Variants in PRKCA observed in about 807,000 individuals in gnomAD.
The protein encoded by PRKCA is protein kinase C alpha.
A neutral mutation model predicts 87.0 loss-of-function variants in PRKCA; 27 were observed. The ratio of observed to expected loss-of-function variants is 0.31; its 90% CI spans 0.23 to 0.43. The LOEUF is 0.43. Among genes scored for constraint, PRKCA ranks in the 20% least tolerant of loss-of-function variants. PRKCA has a pLI of 1.00. For missense variants in PRKCA, 518 were observed against 852.3 expected (o/e 0.61, Z 4.88); for synonymous variants, 329 against 311.1 (o/e 1.06, Z -0.61).
chr17:66,367,623 G>T (rs1210115951), intron 2 of PRKCA, among the ~76,000 whole-genome samples: 1 of 152,120 alleles, frequency 6.6e-6, no homozygotes, highest in African/African-American at 2.4e-5. Flanking sequence ...GTCTCATCAG[G>T]TCTATTTTTC....
At chr17:66,790,453 G>C (rs1975504340) in intron 16 of PRKCA, among the ~76,000 whole-genome samples, 2 of 152,188 alleles carry the variant, frequency 1.3e-5, no homozygotes, top group African/African-American at 4.8e-5. Flanking sequence ...ACAAAACCCG[G>C]TCTGGAGGTT....
intron 2 of PRKCA, among the ~76,000 whole-genome samples, chr17:66,345,889 G>A (rs976220738): frequency 1.3e-5 from 2 of 152,110 alleles, no homozygotes; most frequent in African/African-American, 4.8e-5. Flanking sequence ...CCTAGACCAA[G>A]CACAGTGCCT....
chr17:66,322,034 T>G (rs1905699748), intron 2 of PRKCA, among the ~76,000 whole-genome samples: 1 of 152,202 alleles, frequency 6.6e-6, no homozygotes, highest in African/African-American at 2.4e-5. Context: ...CTTTTTAAAC[T>G]TTTAGTTGCT....
chr17:66,540,998 A>T (rs1248164165), intron 3 of PRKCA, among the ~76,000 whole-genome samples: 2 of 152,210 alleles, frequency 1.3e-5, no homozygotes, highest in East Asian at 3.9e-4. Flanking sequence ...AGAACCCTAC[A>T]GAGGTAGGAA....
At chr17:66,537,258 A>T (rs1967821950) in intron 3 of PRKCA, among the ~76,000 whole-genome samples, 1 of 152,182 alleles carries the variant, frequency 6.6e-6, no homozygotes. Flanking sequence ...TATTACCATA[A>T]TTTATGGTGA....
intron 2 of PRKCA, among the ~76,000 whole-genome samples, chr17:66,370,079 A>G (rs1484088693): frequency 2.0e-5 from 3 of 152,208 alleles, no homozygotes; most frequent in African/African-American, 7.2e-5. Flanking sequence ...TTGTCTGGGC[A>G]GACTCAAACA....
At chr17:66,333,154 C>T (rs71379965) in intron 2 of PRKCA, among the ~76,000 whole-genome samples, 24,139 of 152,150 alleles carry the variant, frequency 0.16, 2,040 homozygotes, top group South Asian at 0.24. Context: ...AAATAGCTTT[C>T]CCAGAGAAAC....
At chr17:66,452,123 A>G (rs1007832579) in intron 2 of PRKCA, among the ~76,000 whole-genome samples, 1 of 152,172 alleles carries the variant, frequency 6.6e-6, no homozygotes. Flanking sequence ...CAGCGAACCA[A>G]GACATCAGGT....
intron 9 of PRKCA, among the ~76,000 whole-genome samples, chr17:66,733,362 G>C (rs1046217242): frequency 6.6e-6 from 1 of 152,172 alleles, no homozygotes; most frequent in Admixed American, 6.5e-5. Context: ...TTACACAGTA[G>C]AGTCATCCAT....
At chr17:66,670,808 G>A (rs1972159042) in intron 5 of PRKCA, among the ~76,000 whole-genome samples, 1 of 152,064 alleles carries the variant, frequency 6.6e-6, no homozygotes. Flanking sequence ...GCTGTAGTGA[G>A]CCATGATCAC....
At chr17:66,499,148 A>AT (rs34998543) in intron 3 of PRKCA, among the ~76,000 whole-genome samples, 53,696 of 150,916 alleles carry the variant, frequency 0.36, 10,381 homozygotes, top group Middle Eastern at 0.49. Flanking sequence ...GATTCCTATG[A>AT]TTTTTTTTTA....
intron 3 of PRKCA, among the ~76,000 whole-genome samples, chr17:66,556,891 G>A (rs1291884841): frequency 2.6e-5 from 4 of 152,160 alleles, no homozygotes; most frequent in African/African-American, 7.2e-5. Context: ...ATAACAGCAT[G>A]AGAATGGACT....
At position 66,791,510 on chromosome 17, in the gene PRKCA, G is replaced by A. The variant is rs112244126; in HGVS notation, c.1854+2531G>A. Among the ~76,000 whole-genome samples, 191 of 152,362 alleles carry A rather than the reference G, an allele frequency of 1.3e-3. 1 individual carries two copies. Among genetic ancestry groups the A allele is most frequent in the African/African-American group, 4.2e-3 (173 of 41,584 alleles). ...GACGCTGTGTTCAAAAGCGGAGAGC[G>A]TCAAGGGCAGAGAGATAAATGGGGC... On this transcript the variant is annotated intron_variant, in intron 16 of 16. Transcript: ENST00000413366.
intron 2 of PRKCA, among the ~76,000 whole-genome samples, chr17:66,381,984 G>C (rs776434385): frequency 3.3e-5 from 5 of 152,198 alleles, no homozygotes; most frequent in Non-Finnish European, 7.3e-5. Context: ...CAAAACCATG[G>C]CAGCAAAATA....
intron 5 of PRKCA, among the ~76,000 whole-genome samples, chr17:66,646,221 C>T (rs1199358774): frequency 6.6e-6 from 1 of 152,186 alleles, no homozygotes; most frequent in Non-Finnish European, 1.5e-5. Flanking sequence ...TATCCAGGGG[C>T]CTGGTTACTC....
chr17:66,754,203 T>A (rs1974497099), intron 13 of PRKCA, among the ~76,000 whole-genome samples: 2 of 152,076 alleles, frequency 1.3e-5, no homozygotes, highest in Non-Finnish European at 2.9e-5. Context: ...CATATCTTTT[T>A]TCATATATAT....
chr17:66,416,583 A>G (rs1438597289), intron 2 of PRKCA: 1 of 152,210 alleles, frequency 6.6e-6, no homozygotes, highest in African/African-American at 2.4e-5. Flanking sequence ...TGTGCTGGGC[A>G]TTTTACATAG....
At chr17:66,781,416 C>T (rs943508911) in intron 14 of PRKCA, among the ~76,000 whole-genome samples, 1 of 152,148 alleles carries the variant, frequency 6.6e-6, no homozygotes, top group Non-Finnish European at 1.5e-5. Context: ...CGAATGCAAC[C>T]AGCAGAGGCC....
At chr17:66,355,702 A>G (rs1908005532) in intron 2 of PRKCA, among the ~76,000 whole-genome samples, 2 of 152,304 alleles carry the variant, frequency 1.3e-5, no homozygotes, top group East Asian at 1.9e-4. Context: ...TGGTTTATTC[A>G]TAACAGCAAA....
Sources: allele counts gnomAD v4.1 joint callset (sites outside exome capture counted in the v4.1 genomes callset), GRCh38; gene constraint gnomAD v4.1.1; transcripts MANE v1.5; gene names NCBI Gene and HGNC (gene_info 2026-07-23, HGNC 2026-07-21).